RPSA2: variants seen among roughly 807,000 people sequenced by gnomAD.
The protein encoded by RPSA2 is ribosomal protein SA 2.
chr19:23,827,618 C>T, the RPSA2 span: 13 of 1,592,796 alleles, frequency 8.2e-6, no homozygotes, highest in Non-Finnish European at 9.4e-6. Context: ...CACAGATTCT[C>T]CTCTGCGCTA....
chr19:23,767,973 G>C, the RPSA2 span, among the ~76,000 whole-genome samples: 2 of 151,706 alleles, frequency 1.3e-5, no homozygotes, highest in Non-Finnish European at 2.9e-5. Flanking sequence ...CACTGTGTTG[G>C]CCAGGCTGGT....
At chr19:23,796,545 C>CT in the RPSA2 span, among the ~76,000 whole-genome samples, 1 of 151,702 alleles carries the variant, frequency 6.6e-6, no homozygotes, top group Admixed American at 6.6e-5. Context: ...AATACCAGCA[C>CT]TTTTTTGTAC....
the RPSA2 span, among the ~76,000 whole-genome samples, chr19:23,822,387 G>A: frequency 5.9e-5 from 9 of 152,158 alleles, no homozygotes; most frequent in Non-Finnish European, 8.8e-5. Flanking sequence ...ACACTCCTTC[G>A]TGTTAAACAG....
chr19:23,854,660 T>A, the RPSA2 span, among the ~76,000 whole-genome samples: 1 of 152,216 alleles, frequency 6.6e-6, no homozygotes, highest in Non-Finnish European at 1.5e-5. Context: ...AGCATTTGGC[T>A]GTGTTTATTG....
At chr19:23,817,447 C>T in the RPSA2 span, among the ~76,000 whole-genome samples, 4 of 152,070 alleles carry the variant, frequency 2.6e-5, no homozygotes, top group African/African-American at 9.7e-5. Flanking sequence ...AGATTGTATT[C>T]TGTTTTAAAT....
the RPSA2 span, among the ~76,000 whole-genome samples, chr19:23,765,624 T>G: frequency 1.3e-5 from 2 of 152,100 alleles, no homozygotes; most frequent in Non-Finnish European, 1.5e-5. Context: ...CAACACATAC[T>G]AGAGCCTATT....
the RPSA2 span, among the ~76,000 whole-genome samples, chr19:23,799,649 TAAC>T: frequency 5.7e-3 from 296 of 52,040 alleles, 17 homozygotes; most frequent in African/African-American, 0.018. Context: ...CGGAGTACTG[TAAC>T]CCCGTCCTCA....
the RPSA2 span, chr19:23,828,075 A>G: frequency 1.5e-5 from 9 of 611,294 alleles, no homozygotes; most frequent in East Asian, 2.7e-5. Context: ...GCTCTTAAGC[A>G]GCATGGAAAA....
the RPSA2 span, among the ~76,000 whole-genome samples, chr19:23,761,064 ATG>A: frequency 6.1e-5 from 7 of 115,092 alleles, no homozygotes; most frequent in Non-Finnish European, 8.6e-5. Flanking sequence ...ATATATATAT[ATG>A]TTTGTGTGTG....
At chr19:23,866,513 G>GTCCCCCCCCC in the RPSA2 span, among the ~76,000 whole-genome samples, 2 of 142,280 alleles carry the variant, frequency 1.4e-5, no homozygotes, top group Non-Finnish European at 1.5e-5. Flanking sequence ...ACAATGTGGT[G>GTCCCCCCCCC]CCCCCCCCCG....
chr19:23,804,118 T>G, the RPSA2 span, among the ~76,000 whole-genome samples: 1 of 152,194 alleles, frequency 6.6e-6, no homozygotes, highest in Non-Finnish European at 1.5e-5. Context: ...CATGTTGTTT[T>G]CTAAATGCAG....
the RPSA2 span, among the ~76,000 whole-genome samples, chr19:23,836,160 C>T: frequency 6.6e-6 from 1 of 152,092 alleles, no homozygotes; most frequent in South Asian, 2.1e-4. Context: ...CCACTCTTCT[C>T]CCCATGTCCC....
the RPSA2 span, chr19:23,832,581 G>C: frequency 8.9e-7 from 1 of 1,119,030 alleles, no homozygotes; most frequent in East Asian, 3.7e-5. Context: ...AATGCTTTTA[G>C]CCAGTCCCCA....
the RPSA2 span, among the ~76,000 whole-genome samples, chr19:23,795,602 G>A: frequency 2.6e-5 from 4 of 151,996 alleles, no homozygotes; most frequent in African/African-American, 9.7e-5. Context: ...CAGACATAGA[G>A]TTATGTTGTC....
At chr19:23,856,915 C>T in the RPSA2 span, among the ~76,000 whole-genome samples, 71 of 152,188 alleles carry the variant, frequency 4.7e-4, no homozygotes, top group African/African-American at 1.5e-3. Flanking sequence ...CAGCGGTGCA[C>T]GTATTGTCTT....
At chr19:23,801,006 G>A in the RPSA2 span, among the ~76,000 whole-genome samples, 1 of 152,244 alleles carries the variant, frequency 6.6e-6, no homozygotes, top group African/African-American at 2.4e-5. Flanking sequence ...CAGAGACCAT[G>A]GAGCCCAGAA....
the RPSA2 span, among the ~76,000 whole-genome samples, chr19:23,785,181 C>T: frequency 1.3e-5 from 2 of 152,192 alleles, no homozygotes; most frequent in African/African-American, 2.4e-5. Context: ...TGACATATGG[C>T]TGGGCTTTCC....
chr19:23,808,894 G>A, the RPSA2 span: 1 of 367,228 alleles, frequency 2.7e-6, no homozygotes, highest in Non-Finnish European at 5.0e-6. Flanking sequence ...AGTGATTTGG[G>A]AAGCTGTGTT....
the RPSA2 span, among the ~76,000 whole-genome samples, chr19:23,857,437 A>T: frequency 6.6e-6 from 1 of 151,332 alleles, no homozygotes; most frequent in Admixed American, 6.6e-5. Flanking sequence ...ACTTCCCGCA[A>T]CATCTTTGAG....
Sources: gnomAD v4.1 joint callset for allele counts (sites outside exome capture counted in the v4.1 genomes callset) on GRCh38, gnomAD v4.1.1 for gene constraint, MANE v1.5 for transcripts, NCBI Gene and HGNC (gene_info 2026-07-23, HGNC 2026-07-21) for gene names.